MACROD2: variants seen among roughly 807,000 people sequenced by gnomAD.
The protein encoded by MACROD2 is mono-ADP ribosylhydrolase 2.
Under a neutral mutation model 70.4 loss-of-function variants are expected in MACROD2, and 36 were observed. The ratio of observed to expected loss-of-function variants is 0.51; its 90% CI spans 0.39 to 0.68. The LOEUF (loss-of-function observed/expected upper bound fraction) is 0.68, where lower values mean the gene tolerates loss of function less well. Among genes scored for constraint, MACROD2 ranks in the 30% least tolerant of loss-of-function variants. The pLI, the probability that MACROD2 is intolerant of heterozygous loss-of-function variation, is 0.00. For missense variants in MACROD2, 496 were observed against 538.4 expected (o/e 0.92, Z 0.78); for synonymous variants, 172 against 178.8 (o/e 0.96, Z 0.30).
chr20:14,652,804 C>T (rs1040618632), intron 4 of MACROD2, among the ~76,000 whole-genome samples: 10 of 152,288 alleles, frequency 6.6e-5, no homozygotes, highest in Non-Finnish European at 1.3e-4. Flanking sequence ...TAATTTTCTT[C>T]AGTCCCAATA....
chr20:15,915,567 C>A (rs2065302240), intron 10 of MACROD2, among the ~76,000 whole-genome samples: 1 of 152,196 alleles, frequency 6.6e-6, no homozygotes, highest in South Asian at 2.1e-4. Flanking sequence ...TTATGAAACT[C>A]TTCTCACACA....
At chr20:14,298,202 A>G (rs2082442915) in intron 3 of MACROD2, among the ~76,000 whole-genome samples, 1 of 151,950 alleles carries the variant, frequency 6.6e-6, no homozygotes, top group South Asian at 2.1e-4. Flanking sequence ...TGCTGTTTTC[A>G]CACCTGCTAA....
intron 3 of MACROD2, chr20:14,128,093 G>A: frequency 1.8e-6 from 1 of 548,448 alleles, no homozygotes; most frequent in African/African-American, 1.9e-5. Context: ...CTCAAGCAGT[G>A]GTCATGTGTG....
In MACROD2 at chr20:15,448,819, G is replaced by A. The variant is rs566032007; in HGVS notation, c.571+17384G>A. Among the ~76,000 whole-genome samples the A allele has an allele frequency of 2.5e-4, 38 of 152,014 alleles. No homozygotes were observed. In the Middle Eastern group the frequency reaches 0.014, roughly 54 times the overall value. ...GATATGTTTATCTTCTTTTCTTATA[G>A]GACATACAACCAAATAAGTGTTTTG... is the stretch of plus-strand genomic sequence containing the variant. On this transcript the variant is annotated intron_variant, in intron 7 of 17. Transcript: ENST00000684519.
chr20:14,276,394 G>A (rs1447070472), intron 3 of MACROD2, among the ~76,000 whole-genome samples: 153 of 143,272 alleles, frequency 1.1e-3, no homozygotes, highest in African/African-American at 3.4e-3. Context: ...ACCAAACACC[G>A]CATGTTCTCA....
chr20:15,037,445 C>T (rs986266607), intron 5 of MACROD2, among the ~76,000 whole-genome samples: 1 of 152,072 alleles, frequency 6.6e-6, no homozygotes, highest in Non-Finnish European at 1.5e-5. Context: ...AGTCACTTGC[C>T]CAGAGCAGGT....
chr20:15,674,012 TTTC>T (rs1392362583), intron 8 of MACROD2, among the ~76,000 whole-genome samples: 1 of 152,184 alleles, frequency 6.6e-6, no homozygotes, highest in Non-Finnish European at 1.5e-5. Context: ...ATCTAGGTTA[TTTC>T]TTCTTAAACT....
chr20:14,946,876 C>G (rs1400430356), intron 5 of MACROD2, among the ~76,000 whole-genome samples: 2 of 152,038 alleles, frequency 1.3e-5, no homozygotes, highest in African/African-American at 4.8e-5. Context: ...TGTATTCTCC[C>G]CCAATGGCTG....
chr20:14,212,987 C>T (rs1051444713), intron 3 of MACROD2, among the ~76,000 whole-genome samples: 1 of 151,744 alleles, frequency 6.6e-6, no homozygotes, highest in Non-Finnish European at 1.5e-5. Context: ...TGTCAGTATA[C>T]ATCACGCAAC....
intron 8 of MACROD2, among the ~76,000 whole-genome samples, chr20:15,588,795 A>T (rs1164126651): frequency 6.6e-6 from 1 of 152,128 alleles, no homozygotes; most frequent in East Asian, 1.9e-4. Flanking sequence ...TGTTCATATC[A>T]CTATCAGAAT....
At chr20:14,226,835 C>T (rs1200330585) in intron 3 of MACROD2, among the ~76,000 whole-genome samples, 1 of 152,062 alleles carries the variant, frequency 6.6e-6, no homozygotes, top group African/African-American at 2.4e-5. Flanking sequence ...CGATGAGCGC[C>T]GCCCCCTGCT....
At chr20:14,488,557 C>T (rs989328858) in intron 3 of MACROD2, among the ~76,000 whole-genome samples, 30 of 152,102 alleles carry the variant, frequency 2.0e-4, no homozygotes, top group Admixed American at 2.0e-4. Flanking sequence ...TCTATAACCA[C>T]CTTTGGATGC....
intron 8 of MACROD2, among the ~76,000 whole-genome samples, chr20:15,681,356 A>T (rs1192892848): frequency 6.6e-6 from 1 of 152,206 alleles, no homozygotes; most frequent in African/African-American, 2.4e-5. Flanking sequence ...CTATTCAAAA[A>T]CAGGGGGGCC....
chr20:14,625,970 G>A (rs1042873391), intron 4 of MACROD2, among the ~76,000 whole-genome samples: 1 of 152,096 alleles, frequency 6.6e-6, no homozygotes, highest in African/African-American at 2.4e-5. Context: ...TTACAGGCAT[G>A]CACCATGATG....
chr20:15,660,935 A>G (rs1845886464), intron 8 of MACROD2, among the ~76,000 whole-genome samples: 1 of 152,148 alleles, frequency 6.6e-6, no homozygotes, highest in African/African-American at 2.4e-5. Flanking sequence ...CTCTTTTTTC[A>G]AAACAAAGTT....
intron 5 of MACROD2, among the ~76,000 whole-genome samples, chr20:15,187,043 G>A (rs2076539323): frequency 6.6e-6 from 1 of 152,146 alleles, no homozygotes; most frequent in African/African-American, 2.4e-5. Flanking sequence ...ACACTACTAT[G>A]TGAACAGTCC....
intron 5 of MACROD2, among the ~76,000 whole-genome samples, chr20:15,161,771 T>G (rs1410270109): frequency 1.3e-5 from 2 of 152,034 alleles, no homozygotes; most frequent in Non-Finnish European, 2.9e-5. Flanking sequence ...TACACTTAAT[T>G]TCTACGTAGA....
chr20:15,331,089 G>A (rs761627857), intron 6 of MACROD2, among the ~76,000 whole-genome samples: 8 of 151,218 alleles, frequency 5.3e-5, no homozygotes, highest in Non-Finnish European at 8.8e-5. Context: ...ATATTTAATT[G>A]TCTAAGCCAG....
chr20:15,953,982 A>C (rs2065942113), intron 12 of MACROD2, among the ~76,000 whole-genome samples: 1 of 152,128 alleles, frequency 6.6e-6, no homozygotes, highest in Admixed American at 6.6e-5. Context: ...TTGATCTTGG[A>C]GTTCACACAT....
Sources: allele counts gnomAD v4.1 joint callset (sites outside exome capture counted in the v4.1 genomes callset), GRCh38; gene constraint gnomAD v4.1.1; transcripts MANE v1.5; gene names NCBI Gene and HGNC (gene_info 2026-07-23, HGNC 2026-07-21).